Variants in ANTXR1 observed in about 807,000 individuals in gnomAD.
The protein encoded by ANTXR1 is anthrax toxin receptor 1.
A neutral mutation model predicts 78.1 loss-of-function variants in ANTXR1; 19 were observed. The ratio of observed to expected loss-of-function variants is 0.24; its 90% CI spans 0.17 to 0.36. The LOEUF is 0.36. Ranked by LOEUF, ANTXR1 falls within the 10% of genes least tolerant of loss-of-function variation. The probability of loss-of-function intolerance (pLI) is 1.00; values close to 1 mark genes in which losing one functional copy is unlikely to be tolerated. For synonymous variants in ANTXR1, 273 were observed against 260.5 expected, an observed-to-expected ratio of 1.05 and a Z score of -0.46; for missense variants, 518 against 718.6, an observed-to-expected ratio of 0.72 and a Z score of 3.19.
intron 1 of ANTXR1, among the ~76,000 whole-genome samples, chr2:69,029,090 G>A (rs562688003): frequency 6.6e-6 from 1 of 151,096 alleles, no homozygotes; most frequent in African/African-American, 2.4e-5. Context: ...TTAGCCAGGC[G>A]TGGTGGCGCG....
In ANTXR1 at chr2:69,013,718, G is replaced by A; in HGVS notation, c.152+67G>A. ...GCGAAAACGCTTTCGCCCCGGGCCGGGCTCGTTGGCAGGGTCGCCTGGGGA... is the reference window on the plus strand; with the variant it reads ...GCGAAAACGCTTTCGCCCCGGGCCGAGCTCGTTGGCAGGGTCGCCTGGGGA... On this transcript the variant is annotated intron_variant, in intron 1 of 17. Transcript: ENST00000303714. The surrounding 1 kb of genome is among the most constrained non-coding windows in gnomAD (Gnocchi z 5.0). 6.4e-7 allele frequency: 1 copy of A among 1,550,736 alleles called. No homozygotes were observed. Among genetic ancestry groups the A allele is most frequent in the Admixed American group, 2.0e-5 (1 of 50,996 alleles).
At chr2:69,088,036 G>T (rs1028823591) in intron 8 of ANTXR1, among the ~76,000 whole-genome samples, 1 of 152,176 alleles carries the variant, frequency 6.6e-6, no homozygotes, top group Non-Finnish European at 1.5e-5. Flanking sequence ...TTTAAGTTAA[G>T]ATTGGGAAAG....
At chr2:69,229,385 A>G (rs1030453492) in intron 17 of ANTXR1, among the ~76,000 whole-genome samples, 10 of 152,216 alleles carry the variant, frequency 6.6e-5, no homozygotes, top group Non-Finnish European at 8.8e-5. Flanking sequence ...ACCTTCATCC[A>G]TGAGCTTGTA....
intron 1 of ANTXR1, among the ~76,000 whole-genome samples, chr2:69,038,121 C>T (rs2104061871): frequency 6.6e-6 from 1 of 152,246 alleles, no homozygotes; most frequent in East Asian, 1.9e-4. Context: ...GAGCCATTCC[C>T]CTTTTCTTTT....
At chr2:69,243,116 G>C (rs900510620) in intron 17 of ANTXR1, among the ~76,000 whole-genome samples, 1 of 152,216 alleles carries the variant, frequency 6.6e-6, no homozygotes, top group Non-Finnish European at 1.5e-5. Context: ...ACCAATTGCA[G>C]TCCCATCAAG....
At chr2:69,034,370 A>C (rs1671615172) in intron 1 of ANTXR1, among the ~76,000 whole-genome samples, 1 of 152,298 alleles carries the variant, frequency 6.6e-6, no homozygotes, top group South Asian at 2.1e-4. Flanking sequence ...ATCTTCAAGC[A>C]CAGAACTCTG....
At chr2:69,018,078 G>A (rs544841166) in intron 1 of ANTXR1, among the ~76,000 whole-genome samples, 9 of 152,286 alleles carry the variant, frequency 5.9e-5, no homozygotes, top group African/African-American at 1.9e-4. Context: ...AAGAGAGCAG[G>A]AGGAGTGGAG....
chr2:69,193,347 G>T lies in ANTXR1; in HGVS notation c.1366G>T (p.Ala456Ser). 3 of 1,613,894 alleles carry T rather than the reference G, an allele frequency of 1.9e-6. No individual in the cohort carries two copies. The highest frequency in any genetic ancestry group is 2.5e-6 in the Non-Finnish European group (3 of 1,179,912). ...TGTTTTATTTCAGGGAAAACTCGATGCCTTGTGGGTCCTACTGAGGAAAGG... is the reference window on the plus strand; with the variant it reads ...TGTTTTATTTCAGGGAAAACTCGATTCCTTGTGGGTCCTACTGAGGAAAGG... The part of the protein sequence containing the change: ...WYSPIKGKLD[A>S]LWVLLRKGYD... Residue 456 changes from alanine (A) to serine (S), a missense_variant, in exon 17 of 18, where the codon GCC becomes TCC. Ala to Ser is a moderately conservative substitution (Grantham distance 99). Around this residue, in one of 5 missense-constraint regions of ANTXR1, gnomAD observed 192 missense variants for 230.2 expected, o/e 0.83. Coordinates refer to ENST00000303714, the MANE Select transcript of ANTXR1 (RefSeq NM_032208.3).
At chr2:69,212,834 G>A (rs189316203) in intron 17 of ANTXR1, among the ~76,000 whole-genome samples, 159 of 151,950 alleles carry the variant, frequency 1.0e-3, no homozygotes, top group African/African-American at 3.6e-3. Context: ...TTTAACATGG[G>A]GTCTCACTAT....
intron 17 of ANTXR1, among the ~76,000 whole-genome samples, chr2:69,239,687 C>A (rs1196157392): frequency 6.6e-6 from 1 of 152,218 alleles, no homozygotes; most frequent in Non-Finnish European, 1.5e-5. Context: ...CCAGGTTTCA[C>A]AGTGAGTATG....
At chr2:69,035,759 T>C (rs1671658655) in intron 1 of ANTXR1, among the ~76,000 whole-genome samples, 1 of 152,212 alleles carries the variant, frequency 6.6e-6, no homozygotes, top group African/African-American at 2.4e-5. Flanking sequence ...GTCATTGCCT[T>C]TTTGCCTCCA....
chr2:69,145,648 G>T, intron 12 of ANTXR1: 1 of 1,212,636 alleles, frequency 8.2e-7, no homozygotes, highest in African/African-American at 1.5e-5. Flanking sequence ...GCAGAATCCT[G>T]GTGCAGACCC....
intron 17 of ANTXR1, among the ~76,000 whole-genome samples, chr2:69,203,555 A>G (rs73934800): frequency 0.03 from 4,536 of 152,158 alleles, 254 homozygotes; most frequent in African/African-American, 0.1. Flanking sequence ...TTTTTTTTGC[A>G]CCAACTTCTT....
chr2:69,212,101 C>T (rs908383474), intron 17 of ANTXR1, among the ~76,000 whole-genome samples: 16 of 152,174 alleles, frequency 1.1e-4, no homozygotes, highest in Non-Finnish European at 2.2e-4. Context: ...TAGCTGGCTT[C>T]TACCTCTATC....
chr2:69,163,768 T>C (rs1335714907), intron 13 of ANTXR1, among the ~76,000 whole-genome samples: 1 of 152,216 alleles, frequency 6.6e-6, no homozygotes, highest in Non-Finnish European at 1.5e-5. Context: ...GGTTTCTGCA[T>C]ATTCCTCCCC....
intron 10 of ANTXR1, among the ~76,000 whole-genome samples, chr2:69,104,050 T>C (rs2104323868): frequency 6.6e-6 from 1 of 152,046 alleles, no homozygotes; most frequent in Admixed American, 6.6e-5. Context: ...GCGATTCTCC[T>C]GCCTCAGCCT....
At chr2:69,034,700 A>G (rs1027872018) in intron 1 of ANTXR1, among the ~76,000 whole-genome samples, 15 of 152,216 alleles carry the variant, frequency 9.9e-5, no homozygotes, top group African/African-American at 3.4e-4. Flanking sequence ...GTCCAATGGA[A>G]CACTTTCTAG....
intron 3 of ANTXR1, among the ~76,000 whole-genome samples, chr2:69,058,559 A>G (rs1476238558): frequency 6.6e-6 from 1 of 152,168 alleles, no homozygotes; most frequent in Admixed American, 6.5e-5. Flanking sequence ...TCTTTTCAAA[A>G]TATTACTACT....
At chr2:69,050,113 G>A (rs1669884640) in intron 3 of ANTXR1, among the ~76,000 whole-genome samples, 1 of 151,850 alleles carries the variant, frequency 6.6e-6, no homozygotes, top group Non-Finnish European at 1.5e-5. Flanking sequence ...GAGCAACATA[G>A]GGAGACCCCA....
Sources: allele counts gnomAD v4.1 joint callset (sites outside exome capture counted in the v4.1 genomes callset), GRCh38; gene constraint gnomAD v4.1.1; regional missense constraint gnomAD v4.1.1; non-coding constraint Gnocchi (gnomAD v3.1); transcripts MANE v1.5; gene names NCBI Gene and HGNC (gene_info 2026-07-23, HGNC 2026-07-21).